Variants in POGLUT2 observed in about 807,000 individuals in gnomAD.
POGLUT2 encodes protein O-glucosyltransferase 2.
Under a neutral mutation model 57.6 loss-of-function variants are expected in POGLUT2, and 47 were observed. The observed-to-expected ratio is 0.82, with a 90% CI of 0.65 to 1.04. The LOEUF (loss-of-function observed/expected upper bound fraction) is 1.04. Among genes scored for constraint, POGLUT2 ranks in the 50% least tolerant of loss-of-function variants. The pLI, the probability that POGLUT2 is intolerant of heterozygous loss-of-function variation, is 0.00. For synonymous variants in POGLUT2, 200 were observed against 218.8 expected (o/e 0.91, Z 0.76); for missense variants, 565 against 614.8 (o/e 0.92, Z 0.86).
Position 102,785,451 on chromosome 13 carries a change from TACACACACACACACACACAC to T in POGLUT2, c.1491+761_1491+780del, listed in dbSNP as rs56102018. On this transcript the variant is annotated intron_variant, in intron 9 of 9. Transcript: ENST00000376004. Reference sequence around the variant, plus strand: ...CCTAAAATGTTAAGTCAGCATATGTTACACACACACACACACACACACACACACACACACACACACTCTAG... The same window carrying T: ...CCTAAAATGTTAAGTCAGCATATGTTACACACACACACACACACACTCTAG... Among the ~76,000 whole-genome samples the T allele has an allele frequency of 4.7e-5, 7 of 148,494 alleles. No individual in the cohort carries two copies. The East Asian group carries it at 7.9e-4, about 17-fold the overall frequency.
At chr13:102,786,709 A>G (rs1334290813) in intron 8 of POGLUT2, among the ~76,000 whole-genome samples, 1 of 152,138 alleles carries the variant, frequency 6.6e-6, no homozygotes, top group African/African-American at 2.4e-5. Flanking sequence ...AGCCTCCATC[A>G]TCATCTTCAT....
At chr13:102,793,534 G>A (rs1878263146) in intron 3 of POGLUT2, 67 bp downstream of exon 3, 2 of 1,429,250 alleles carry the variant, frequency 1.4e-6, no homozygotes, top group African/African-American at 1.4e-5. Flanking sequence ...TTAGCTAATT[G>A]TAGCCAAATG....
chr13:102,784,825 C>T (rs1358561158), intron 9 of POGLUT2, among the ~76,000 whole-genome samples: 1 of 152,098 alleles, frequency 6.6e-6, no homozygotes, highest in Non-Finnish European at 1.5e-5. Flanking sequence ...TCATTCTGGC[C>T]CCTAACTTCT....
In POGLUT2 at chr13:102,787,842, G is replaced by C. The variant is rs1359554531; in HGVS notation, c.1375C>G (p.Leu459Val). 2 of 1,551,746 alleles carry C rather than the reference G, an allele frequency of 1.3e-6. No homozygotes were observed. The highest frequency in any genetic ancestry group is 1.8e-5 in the Admixed American group (1 of 55,578). The change falls in exon 8 of 10, where the codon CTT becomes GTT. Residue 459 changes from leucine to valine, a missense_variant. Leu to Val is a conservative substitution (Grantham distance 32, BLOSUM62 1). Coordinates refer to ENST00000376004, the MANE Select transcript of POGLUT2 (RefSeq NM_024089.3). The stretch of plus-strand genomic sequence containing the variant: ...TCTTGGAAAATACTGACCTGGAAAA[G>C]TTTGAAATAATAACAGAATATGTCA... ...GDDIFCYYFK[L>V]FQEYANLQVS...
chr13:102,786,320 A>G lies in POGLUT2; in HGVS notation c.1403T>C (p.Val468Ala). 2 of 1,613,174 alleles carry G rather than the reference A, an allele frequency of 1.2e-6. No individual in the cohort carries two copies. Among genetic ancestry groups the G allele is most frequent in the Non-Finnish European group, 1.7e-6 (2 of 1,179,128 alleles). The change falls in exon 9 of 10, where the codon GTG becomes GCG. Residue 468 changes from valine to alanine, a missense_variant. Physicochemically the swap from Val to Ala is moderately conservative, Grantham distance 64. Transcript: ENST00000376004. ...GCCCTCTCGGATTTGGGGCTCACTC[A>G]CTTGTAAATTGGCATATTCCTGTTT... Reference protein sequence around the residue: ...KLFQEYANLQVSEPQIREGMK... With the variant: ...KLFQEYANLQASEPQIREGMK...
intron 1 of POGLUT2, among the ~76,000 whole-genome samples, chr13:102,797,646 G>A (rs993299169): frequency 5.9e-5 from 9 of 152,110 alleles, no homozygotes; most frequent in South Asian, 4.1e-4. Context: ...GGAGGCTGAG[G>A]TGGGAGGATA....
intron 7 of POGLUT2, among the ~76,000 whole-genome samples, chr13:102,788,362 C>T (rs1208277901): frequency 6.6e-6 from 1 of 152,214 alleles, no homozygotes; most frequent in Non-Finnish European, 1.5e-5. Flanking sequence ...GTGACTTCTG[C>T]CAGACTGGCC....
rs761136834 is a variant in POGLUT2, at chr13:102,798,722, G to A, written c.-52C>T. ...CACCGATAAATGAAGAAGTGTAAGA[G>A]GTGGACAGAAGCAGCCGAGCCTTCG... On this transcript the variant is annotated 5_prime_UTR_variant, in exon 1 of 10. Transcript: ENST00000376004. 2 of 1,494,512 alleles carry A rather than the reference G, an allele frequency of 1.3e-6. No homozygotes were observed. The highest frequency in any genetic ancestry group is 2.5e-5 in the East Asian group (1 of 40,792). The allele number at this position is 1,494,512 out of a possible 1,614,324, so 92.6% of individuals were successfully genotyped here. A position where few individuals can be genotyped will look rare whatever the true frequency, so the allele number is the denominator to read the frequency against.
At position 102,793,434 on chromosome 13, in the gene POGLUT2, C is replaced by A. The variant is rs565727301; in HGVS notation, c.595-16G>T. On this transcript the variant is annotated splice_polypyrimidine_tract_variant and intron_variant, in intron 3 of 9. Transcript: ENST00000376004. ...TGATATAAACCTAAAAGAGAATTTA[C>A]CATTTATTATGTTAGTCTAAAGACG... is the stretch of plus-strand genomic sequence containing the variant. 163 of 1,526,072 alleles carry A rather than the reference C, an allele frequency of 1.1e-4. 4 individuals are homozygous for A. In the South Asian group the frequency reaches 1.8e-3, roughly 17 times the overall value. 94.5% of individuals were successfully genotyped at this position (1,526,072 alleles called of 1,614,324 possible).
intron 8 of POGLUT2, among the ~76,000 whole-genome samples, chr13:102,786,841 G>A (rs929696896): frequency 3.3e-5 from 5 of 152,006 alleles, no homozygotes; most frequent in South Asian, 2.1e-4. Flanking sequence ...CATTTTACAC[G>A]GTTTGTCCTC....
At chr13:102,786,392 C>T (rs1211746313) in intron 8 of POGLUT2, 53 bp from the exon 9 acceptor site, 2 of 1,105,978 alleles carry the variant, frequency 1.8e-6, no homozygotes, top group East Asian at 2.3e-5. Flanking sequence ...TATATCCACC[C>T]AATGAGAGAG....
chr13:102,786,149 T>C (rs1349773119), intron 9 of POGLUT2, 83 bp downstream of exon 9: 2 of 849,134 alleles, frequency 2.4e-6, no homozygotes, highest in Admixed American at 1.9e-5. Context: ...TGCTGCCTGA[T>C]TGAATGACTA....
In POGLUT2 at chr13:102,797,010, C is replaced by G; in HGVS notation, c.183-1G>C. 6.2e-7 allele frequency: 1 copy of G among 1,610,182 alleles called. No individual in the cohort carries two copies. Among genetic ancestry groups the G allele is most frequent in the South Asian group, 1.1e-5 (1 of 90,882 alleles). The stretch of plus-strand genomic sequence containing the variant: ...CTTTTCGCCTGGAGAAGATGTGAAT[C>G]TGTGATGAAAAGGCAATGGGGGAGA... On this transcript the variant is annotated splice_acceptor_variant, in intron 1 of 9. Transcript: ENST00000376004. LOFTEE classifies it high-confidence loss of function.
At chr13:102,787,994 C>T (rs544052067) in intron 7 of POGLUT2, 71 bp from the exon 8 acceptor site, 132 of 867,658 alleles carry the variant, frequency 1.5e-4, no homozygotes, top group Non-Finnish European at 2.4e-4. Flanking sequence ...GCAAACTGCT[C>T]TTCAGAGTAT....
At chr13:102,791,699 G>T (rs1324041060) in intron 4 of POGLUT2, among the ~76,000 whole-genome samples, 2 of 152,170 alleles carry the variant, frequency 1.3e-5, no homozygotes, top group Admixed American at 6.5e-5. Context: ...AAGAGAAGGA[G>T]AATTATTGGA....
chr13:102,794,595 G>A (rs1476548101), intron 2 of POGLUT2, among the ~76,000 whole-genome samples: 1 of 152,216 alleles, frequency 6.6e-6, no homozygotes, highest in African/African-American at 2.4e-5. Flanking sequence ...AATCTGGGAG[G>A]TGAAGGTTGC....
At chr13:102,794,969 A>G (rs1878318297) in intron 2 of POGLUT2, among the ~76,000 whole-genome samples, 1 of 151,038 alleles carries the variant, frequency 6.6e-6, no homozygotes, top group African/African-American at 2.4e-5. Context: ...AAGGAGGAAA[A>G]GTAGGCTGGG....
chr13:102,786,967 T>G (rs530053930), intron 8 of POGLUT2, among the ~76,000 whole-genome samples: 1 of 152,226 alleles, frequency 6.6e-6, no homozygotes, highest in East Asian at 1.9e-4. Flanking sequence ...TCTGCAACTG[T>G]GAGATAAAAC....
chr13:102,785,161 T>G (rs1159694206), intron 9 of POGLUT2, among the ~76,000 whole-genome samples: 2 of 152,212 alleles, frequency 1.3e-5, no homozygotes, highest in East Asian at 3.8e-4. Flanking sequence ...AATTCTGATT[T>G]GTAGCATGTG....
Sources: allele counts gnomAD v4.1 joint callset (sites outside exome capture counted in the v4.1 genomes callset), GRCh38; gene constraint gnomAD v4.1.1; transcripts MANE v1.5; gene names NCBI Gene and HGNC (gene_info 2026-07-23, HGNC 2026-07-21).